Variants in CSMD3 observed in about 807,000 individuals in gnomAD.
CSMD3 encodes CUB and sushi domain-containing protein 3.
In CSMD3, 177 loss-of-function variants were observed where a neutral mutation model predicts 435.2. That is an observed-to-expected ratio of 0.41 (90% confidence interval 0.36 to 0.46). The LOEUF is 0.46. CSMD3 is among the 20% of genes least tolerant of loss of function. The probability of loss-of-function intolerance (pLI) is 0.34; values close to 1 mark genes in which losing one functional copy is unlikely to be tolerated. For missense variants in CSMD3, 4,265 were observed against 4,504.6 expected (o/e 0.95, Z 1.52); for synonymous variants, 1,656 against 1,520.5 (o/e 1.09, Z -2.07).
intron 11 of CSMD3, among the ~76,000 whole-genome samples, chr8:112,843,489 G>C (rs1261418826): frequency 6.6e-6 from 1 of 151,904 alleles, no homozygotes; most frequent in Non-Finnish European, 1.5e-5. Context: ...CATGTCAAAA[G>C]GGACTTGAAC....
chr8:113,194,260 G>A (rs2092624995), intron 3 of CSMD3, among the ~76,000 whole-genome samples: 1 of 151,148 alleles, frequency 6.6e-6, no homozygotes, highest in South Asian at 2.1e-4. Flanking sequence ...AAGATGCATT[G>A]CTATAATATG....
intron 23 of CSMD3, among the ~76,000 whole-genome samples, chr8:112,578,265 G>A (rs1031077243): frequency 3.3e-5 from 5 of 151,874 alleles, no homozygotes; most frequent in Non-Finnish European, 7.4e-5. Flanking sequence ...TCAATTATAC[G>A]AGCTAGTATG....
chr8:112,644,051 AATAAT>A (rs2074909970), intron 20 of CSMD3, among the ~76,000 whole-genome samples: 2 of 151,720 alleles, frequency 1.3e-5, no homozygotes, highest in African/African-American at 4.8e-5. Flanking sequence ...AGTAAAATTC[AATAAT>A]ATAATACATC....
intron 1 of CSMD3, among the ~76,000 whole-genome samples, chr8:113,388,650 A>G (rs967564640): frequency 1.3e-5 from 2 of 151,626 alleles, no homozygotes; most frequent in African/African-American, 4.8e-5. Context: ...AGAGACCACC[A>G]AGCTAAAAAA....
intron 21 of CSMD3, 29 bp from the exon 22 acceptor site, chr8:112,637,034 C>T (rs768980606): frequency 9.5e-6 from 15 of 1,575,174 alleles, no homozygotes; most frequent in Admixed American, 6.7e-5. Context: ...AATTTCCCCG[C>T]GGGGGAGGAA....
chr8:112,402,441 C>G (rs537963499), intron 35 of CSMD3, among the ~76,000 whole-genome samples: 85 of 152,172 alleles, frequency 5.6e-4, no homozygotes, highest in Admixed American at 9.2e-4. Context: ...TATGTAGGTT[C>G]TTTGAACACT....
chr8:112,599,712 C>A (rs1457634644), intron 22 of CSMD3, among the ~76,000 whole-genome samples: 1 of 151,434 alleles, frequency 6.6e-6, no homozygotes, highest in African/African-American at 2.4e-5. Context: ...AGTTCATGTC[C>A]TTTGTAGGGA....
intron 7 of CSMD3, among the ~76,000 whole-genome samples, chr8:112,975,469 C>T (rs181791201): frequency 6.6e-6 from 1 of 152,104 alleles, no homozygotes; most frequent in Admixed American, 6.6e-5. Context: ...TAAATATATG[C>T]ACTTATTAAT....
At chr8:112,812,034 G>A (rs1177830460) in intron 12 of CSMD3, among the ~76,000 whole-genome samples, 1 of 152,068 alleles carries the variant, frequency 6.6e-6, no homozygotes, top group Non-Finnish European at 1.5e-5. Flanking sequence ...AGTCAGACAT[G>A]AGCAGGGCAG....
intron 6 of CSMD3, among the ~76,000 whole-genome samples, chr8:112,982,928 A>C (rs2085107545): frequency 6.6e-6 from 1 of 151,986 alleles, no homozygotes; most frequent in Non-Finnish European, 1.5e-5. Context: ...CACTTATAAC[A>C]TACTTTTGTT....
At chr8:113,232,639 T>C (rs1006116128) in intron 3 of CSMD3, among the ~76,000 whole-genome samples, 20 of 151,800 alleles carry the variant, frequency 1.3e-4, no homozygotes, top group Admixed American at 5.9e-4. Context: ...GTATTCATTA[T>C]CAAATCAAAA....
At chr8:113,365,969 T>C (rs1438540914) in intron 1 of CSMD3, among the ~76,000 whole-genome samples, 2 of 152,038 alleles carry the variant, frequency 1.3e-5, no homozygotes, top group African/African-American at 2.4e-5. Context: ...ATATCCAGTT[T>C]AATCAATACA....
intron 5 of CSMD3, among the ~76,000 whole-genome samples, chr8:113,029,289 C>T (rs1027907434): frequency 1.6e-4 from 24 of 151,400 alleles, no homozygotes; most frequent in Admixed American, 1.4e-3. Context: ...GCCAGCATCA[C>T]CCTAATACCA....
chr8:112,665,464 C>G (rs1009614373), intron 17 of CSMD3, among the ~76,000 whole-genome samples: 5 of 152,062 alleles, frequency 3.3e-5, no homozygotes, highest in Non-Finnish European at 7.4e-5. Flanking sequence ...AATGAAAGAC[C>G]TTTTGAGTTA....
At chr8:113,131,924 G>A (rs1331039484) in intron 4 of CSMD3, among the ~76,000 whole-genome samples, 1 of 152,152 alleles carries the variant, frequency 6.6e-6, no homozygotes, top group Non-Finnish European at 1.5e-5. Flanking sequence ...CAAATTCCTG[G>A]CCTCAAGCAA....
chr8:112,509,437 C>T (rs1372208897), intron 28 of CSMD3, among the ~76,000 whole-genome samples: 1 of 152,112 alleles, frequency 6.6e-6, no homozygotes, highest in Non-Finnish European at 1.5e-5. Context: ...CTCTTCTCAA[C>T]CATTGCCCCA....
At chr8:113,065,702 T>C (rs77033365) in intron 5 of CSMD3, among the ~76,000 whole-genome samples, 1 of 152,232 alleles carries the variant, frequency 6.6e-6, no homozygotes, top group East Asian at 1.9e-4. Context: ...CAGCCTCATG[T>C]TTTAAAAAAT....
At chr8:112,391,461 G>A (rs910446134) in intron 35 of CSMD3, among the ~76,000 whole-genome samples, 1 of 152,228 alleles carries the variant, frequency 6.6e-6, no homozygotes, top group Admixed American at 6.5e-5. Context: ...ACTTTGGGAG[G>A]CTGAGGAGGC....
chr8:112,410,672 A>G lies in CSMD3; in HGVS notation c.5396-1640T>C, dbSNP rs1240732604. 4.4e-4 allele frequency among the ~76,000 whole-genome samples: 45 copies of G among 102,218 alleles called. 2 individuals carry two copies. Among genetic ancestry groups the G allele is most frequent in the Admixed American group, 2.9e-3 (28 of 9,576 alleles). 67.1% of individuals were successfully genotyped at this position (102,218 alleles called of 152,430 possible). On this transcript the variant is annotated intron_variant, in intron 32 of 70. Transcript: ENST00000297405. ...TATGTGTATATATATGTATATATAT[A>G]TGTGTATATATATATGTATATATAT... is the stretch of plus-strand genomic sequence containing the variant.
Sources: allele counts gnomAD v4.1 joint callset (sites outside exome capture counted in the v4.1 genomes callset), GRCh38; gene constraint gnomAD v4.1.1; transcripts MANE v1.5; gene names NCBI Gene and HGNC (gene_info 2026-07-23, HGNC 2026-07-21).